The following TEX15 variants were observed in gnomAD, a reference collection of about 807,000 sequenced individuals.
TEX15 encodes testis-expressed protein 15.
TEX15 carries 171 observed loss-of-function variants against 237.3 expected under a neutral mutation model. The ratio of observed to expected loss-of-function variants is 0.72; its 90% CI spans 0.64 to 0.82. The LOEUF (loss-of-function observed/expected upper bound fraction) is 0.82. TEX15 is among the 40% of genes least tolerant of loss of function. TEX15 has a pLI of 0.00. For synonymous variants in TEX15, 1,338 were observed against 1,269.8 expected, an observed-to-expected ratio of 1.05 and a Z score of -1.14; for missense variants, 3,750 against 3,646.5, an observed-to-expected ratio of 1.03 and a Z score of -0.73.
At chr8:30,840,626 C>T (rs1585279918) in intron 8 of TEX15, among the ~76,000 whole-genome samples, 1 of 152,106 alleles carries the variant, frequency 6.6e-6, no homozygotes, top group Non-Finnish European at 1.5e-5. Flanking sequence ...TTTCTAACAC[C>T]TTTTTCTAAG....
At chr8:30,862,118 T>C (rs1808064153) in intron 5 of TEX15, among the ~76,000 whole-genome samples, 1 of 152,132 alleles carries the variant, frequency 6.6e-6, no homozygotes, top group African/African-American at 2.4e-5. Context: ...TCAAAAGATG[T>C]AAAAATGTAC....
In TEX15 at chr8:30,848,506, T is replaced by G. The variant is rs1807685470; in HGVS notation, c.1661A>C (p.Gln554Pro). ...VSNVVSEVEN[Q>P]NHSEEKAQRA... ...CTGAGCCTTCTCCTCACTGTGGTTT[T>G]GGTTCTCAACCTCTGACACTACATT... The change falls in exon 8 of 11, where the codon CAA becomes CCA. Residue 554 changes from glutamine (Q) to proline (P), a missense_variant. By Grantham distance (76) the Gln-to-Pro change is moderately conservative (BLOSUM62 -1). Coordinates refer to ENST00000643185, the MANE Select transcript of TEX15 (RefSeq NM_001350162.2). 2.7e-5 allele frequency: 43 copies of G among 1,614,184 alleles called. No homozygotes were observed. The highest frequency in any genetic ancestry group is 3.6e-5 in the Non-Finnish European group (43 of 1,180,022).
Position 30,837,746 on chromosome 8 carries a change from T to C in TEX15, c.8538A>G (p.Lys2846=). 1 of 1,614,146 alleles carries C rather than the reference T, an allele frequency of 6.2e-7. No individual in the cohort carries two copies. The highest frequency in any genetic ancestry group is 1.7e-5 in the Admixed American group (1 of 60,022). Residue 2846 remains lysine, a synonymous_variant, in exon 10 of 11, where the codon AAA becomes AAG. Transcript: ENST00000643185. ...DCAAFAICDQ[K]SVHGTFSPDH... is the part of the protein sequence containing the mutation. ...CTGGTGAAAATGTGCCATGTACACTTTTTTGGTCACAAATTGCAAAAGCAG... is the reference window on the plus strand; with the variant it reads ...CTGGTGAAAATGTGCCATGTACACTCTTTTGGTCACAAATTGCAAAAGCAG...
rs1336587883 is a variant in TEX15 at position 30,889,927 on chromosome 8, T to TTATATACATATATATA, written c.-9-2632_-9-2617dup. On this transcript the variant is annotated intron_variant, in intron 2 of 10. Coordinates refer to ENST00000643185, the MANE Select transcript of TEX15 (RefSeq NM_001350162.2). ...ATGATTATATATATTTATGTATTAGTTATATACATATATATATATATATAT... is the reference window on the plus strand; with the variant it reads ...ATGATTATATATATTTATGTATTAGTTATATACATATATATATATATACATATATATATATATATAT... Among the ~76,000 whole-genome samples the TTATATACATATATATA allele has an allele frequency of 7.4e-3, 816 of 109,880 alleles. 9 individuals are homozygous for TTATATACATATATATA. The highest frequency in any genetic ancestry group is 0.028 in the Middle Eastern group (7 of 250). 72.1% of individuals were successfully genotyped at this position (109,880 alleles called of 152,430 possible). A position where few individuals can be genotyped will look rare whatever the true frequency, so the allele number is the denominator to read the frequency against.
In TEX15 at chr8:30,842,649, G is replaced by A. The variant is rs1371976840; in HGVS notation, c.7518C>T (p.Cys2506=). The change falls in exon 8 of 11, where the codon TGC becomes TGT. Residue 2506 remains cysteine, a synonymous_variant. Coordinates refer to ENST00000643185, the MANE Select transcript of TEX15 (RefSeq NM_001350162.2). ...SFLKDNSTDV[C]LWKVIETAVS... Reference sequence around the variant, plus strand: ...CAGCAGTCTCTATCACTTTCCAAAGGCAAACATCTGTTGAGTTATCTTTAA... The same window carrying A: ...CAGCAGTCTCTATCACTTTCCAAAGACAAACATCTGTTGAGTTATCTTTAA... 2 of 1,611,884 alleles carry A rather than the reference G, an allele frequency of 1.2e-6. No homozygotes were observed. The highest frequency in any genetic ancestry group is 3.3e-5 in the Admixed American group (2 of 59,962).
intron 7 of TEX15, among the ~76,000 whole-genome samples, chr8:30,852,814 T>C (rs1563248472): frequency 6.6e-6 from 1 of 152,234 alleles, no homozygotes; most frequent in Non-Finnish European, 1.5e-5. Flanking sequence ...ACCAAATAGT[T>C]ATTAGTACCA....
chr8:30,889,973 A>AC (rs1808764941), intron 2 of TEX15, among the ~76,000 whole-genome samples: 1 of 145,296 alleles, frequency 6.9e-6, no homozygotes, highest in Non-Finnish European at 1.5e-5. Flanking sequence ...ATATATGTAT[A>AC]AGTAAAATCA....
At chr8:30,912,585 A>T (rs1809255194) in intron 1 of TEX15, among the ~76,000 whole-genome samples, 1 of 152,146 alleles carries the variant, frequency 6.6e-6, no homozygotes, top group Non-Finnish European at 1.5e-5. Context: ...GCAGAGGGAG[A>T]GCGAAAGCGC....
At chr8:30,895,300 A>G (rs78294634) in intron 2 of TEX15, among the ~76,000 whole-genome samples, 1 of 76,224 alleles carries the variant, frequency 1.3e-5, no homozygotes, top group East Asian at 2.3e-4. Context: ...TCCATCTCAA[A>G]AAAAAAAAAA....
chr8:30,843,859 A>G lies in TEX15; in HGVS notation c.6308T>C (p.Leu2103Pro). ...LEGEPTLRSL[L>P]WYDETLYAEL... Reference sequence around the variant, plus strand: ...AGCATACAGTGTTTCATCATACCAAAGCAAGCTTCGCAATGTTGGTTCACC... The same window carrying G: ...AGCATACAGTGTTTCATCATACCAAGGCAAGCTTCGCAATGTTGGTTCACC... Residue 2103 changes from leucine (L) to proline (P), a missense_variant, in exon 8 of 11, where the codon CTT becomes CCT. Coordinates refer to ENST00000643185, the MANE Select transcript of TEX15 (RefSeq NM_001350162.2). 2 of 1,612,598 alleles carry G rather than the reference A, an allele frequency of 1.2e-6. No individual in the cohort carries two copies. Among genetic ancestry groups the G allele is most frequent in the Non-Finnish European group, 1.7e-6 (2 of 1,179,374 alleles).
intron 1 of TEX15, among the ~76,000 whole-genome samples, chr8:30,906,886 C>T (rs757343990): frequency 1.3e-5 from 2 of 152,060 alleles, no homozygotes; most frequent in South Asian, 4.1e-4. Context: ...TTGAAAGACA[C>T]AAAAAATTGC....
At position 30,842,143 on chromosome 8, in the gene TEX15, G is replaced by A. The variant is rs1161257081; in HGVS notation, c.8024C>T (p.Thr2675Met). 5.6e-6 allele frequency: 9 copies of A among 1,612,856 alleles called. No homozygotes were observed. The highest frequency in any genetic ancestry group is 4.5e-5 in the East Asian group (2 of 44,806). The part of the protein sequence containing the change: ...GENNNKFSIS[T>M]MLPPVSECIN... ...GCACTCTGATACTGGGGGCAACATC[G>A]TAGAAATACTAAATTTATTGTTATT... The change falls in exon 8 of 11, where the codon ACG (threonine) becomes ATG (methionine). Residue 2675 changes from threonine to methionine, a missense_variant. Transcript: ENST00000643185.
Position 30,849,032 on chromosome 8 carries a change from A to C in TEX15, c.1135T>G (p.Ser379Ala). ...TCACTGGGCATAAGTGAAATGTCTGAATCATGTGCAAGTACTTGAGAAGTG... is the reference window on the plus strand; with the variant it reads ...TCACTGGGCATAAGTGAAATGTCTGCATCATGTGCAAGTACTTGAGAAGTG... ...RDTSQVLAHD[S>A]DISLMPSDAK... The change falls in exon 8 of 11, where the codon TCA (serine) becomes GCA (alanine). Residue 379 changes from serine to alanine, a missense_variant. Coordinates refer to ENST00000643185, the MANE Select transcript of TEX15 (RefSeq NM_001350162.2). The C allele has an allele frequency of 6.2e-7, 1 of 1,614,166 alleles. No individual in the cohort carries two copies.
intron 2 of TEX15, among the ~76,000 whole-genome samples, chr8:30,897,082 C>T (rs1056360872): frequency 1.3e-5 from 2 of 152,042 alleles, no homozygotes; most frequent in South Asian, 2.1e-4. Context: ...TTTACAAAAT[C>T]GGGTTGAAAA....
At chr8:30,857,696 TA>T (rs1563251410) in intron 7 of TEX15, among the ~76,000 whole-genome samples, 1 of 152,080 alleles carries the variant, frequency 6.6e-6, no homozygotes, top group African/African-American at 2.4e-5. Flanking sequence ...TGAGGAAAAG[TA>T]AAATACAAAA....
chr8:30,860,560 C>G (rs1047023952), intron 5 of TEX15, among the ~76,000 whole-genome samples: 1 of 145,976 alleles, frequency 6.9e-6, no homozygotes, highest in East Asian at 2.1e-4. Context: ...TTCAGAGAAT[C>G]TACTTTTTTT....
intron 5 of TEX15, among the ~76,000 whole-genome samples, chr8:30,864,845 G>T (rs929786081): frequency 6.6e-6 from 1 of 151,990 alleles, no homozygotes; most frequent in South Asian, 2.1e-4. Context: ...AATTCAAAAT[G>T]TGGGAAGAAA....
intron 1 of TEX15, among the ~76,000 whole-genome samples, chr8:30,903,658 C>A (rs1809045296): frequency 6.6e-6 from 1 of 152,222 alleles, no homozygotes; most frequent in Non-Finnish European, 1.5e-5. Flanking sequence ...GATTACCTAT[C>A]CTTCTACAAA....
chr8:30,893,952 T>C (rs1808844728), intron 2 of TEX15, among the ~76,000 whole-genome samples: 1 of 152,230 alleles, frequency 6.6e-6, no homozygotes, highest in African/African-American at 2.4e-5. Flanking sequence ...TTATTCTTCA[T>C]GTTTCTTAAC....
Sources: gnomAD v4.1 joint callset for allele counts (sites outside exome capture counted in the v4.1 genomes callset) on GRCh38, gnomAD v4.1.1 for gene constraint, MANE v1.5 for transcripts, NCBI Gene and HGNC (gene_info 2026-07-23, HGNC 2026-07-21) for gene names.